The following CSNK1G1 variants were observed in gnomAD, a reference collection of about 807,000 sequenced individuals.
The protein encoded by CSNK1G1 is casein kinase I isoform gamma-1.
Under a neutral mutation model 59.6 loss-of-function variants are expected in CSNK1G1, and 22 were observed. The observed-to-expected ratio is 0.37, with a 90% CI of 0.26 to 0.53. CSNK1G1 has a LOEUF of 0.53. Among genes scored for constraint, CSNK1G1 ranks in the 20% least tolerant of loss-of-function variants. The probability of loss-of-function intolerance (pLI) is 0.89; values close to 1 mark genes in which losing one functional copy is unlikely to be tolerated. For synonymous variants in CSNK1G1, 179 were observed against 177.1 expected, an observed-to-expected ratio of 1.01 and a Z score of -0.08; for missense variants, 384 against 519.5, an observed-to-expected ratio of 0.74 and a Z score of 2.54.
At chr15:64,268,988 C>T (rs1189099669) in intron 2 of CSNK1G1, among the ~76,000 whole-genome samples, 1 of 139,018 alleles carries the variant, frequency 7.2e-6, no homozygotes, top group African/African-American at 2.5e-5. Context: ...AGGATATTCT[C>T]CTTACCATTT....
At chr15:64,282,448 T>G (rs1894193847) in intron 2 of CSNK1G1, among the ~76,000 whole-genome samples, 1 of 152,128 alleles carries the variant, frequency 6.6e-6, no homozygotes, top group Non-Finnish European at 1.5e-5. Context: ...TATCTTTTTG[T>G]AGAGACAGGG....
chr15:64,333,433 CAAAAAAAAAAAAA>C (rs59451869), intron 1 of CSNK1G1, among the ~76,000 whole-genome samples: 2 of 23,086 alleles, frequency 8.7e-5, no homozygotes, highest in African/African-American at 4.8e-4. Flanking sequence ...GACACCATCT[CAAAAAAAAAAAAA>C]AAAAAAAAAA....
At chr15:64,343,568 T>C (rs1897790081) in intron 1 of CSNK1G1, among the ~76,000 whole-genome samples, 1 of 152,080 alleles carries the variant, frequency 6.6e-6, no homozygotes, top group Admixed American at 6.6e-5. Flanking sequence ...ACTTTAACTT[T>C]AATCTCCTTC....
intron 1 of CSNK1G1, among the ~76,000 whole-genome samples, chr15:64,321,671 G>C (rs907804922): frequency 1.3e-5 from 2 of 152,198 alleles, no homozygotes; most frequent in Admixed American, 6.5e-5. Flanking sequence ...TATGAAGACA[G>C]CTGCTTCTGA....
chr15:64,174,420 C>A (rs1486638235), intron 11 of CSNK1G1, among the ~76,000 whole-genome samples: 4 of 152,326 alleles, frequency 2.6e-5, no homozygotes, highest in Non-Finnish European at 5.9e-5. Flanking sequence ...AGAAAGCAGG[C>A]CCCACAATCT....
intron 1 of CSNK1G1, among the ~76,000 whole-genome samples, chr15:64,350,684 T>A (rs1369171187): frequency 6.6e-6 from 1 of 152,188 alleles, no homozygotes; most frequent in Non-Finnish European, 1.5e-5. Context: ...TTATATAACC[T>A]AAATCTACTG....
chr15:64,297,593 G>C (rs115386760), intron 2 of CSNK1G1, among the ~76,000 whole-genome samples: 1 of 152,018 alleles, frequency 6.6e-6, no homozygotes, highest in Non-Finnish European at 1.5e-5. Flanking sequence ...AGCTATTAAG[G>C]AGGCTGAAGT....
chr15:64,265,315 T>C, intron 2 of CSNK1G1, among the ~76,000 whole-genome samples: 1 of 152,184 alleles, frequency 6.6e-6, no homozygotes, highest in East Asian at 1.9e-4. Context: ...TCATCTTGAA[T>C]CATAGCTCCC....
intron 4 of CSNK1G1, among the ~76,000 whole-genome samples, chr15:64,248,129 CAA>C (rs1891854151): frequency 6.6e-6 from 1 of 152,146 alleles, no homozygotes; most frequent in Non-Finnish European, 1.5e-5. Context: ...CCTTGGTAAT[CAA>C]AAGAGTGGCA....
At chr15:64,256,399 A>AT (rs1234349248) in intron 3 of CSNK1G1, among the ~76,000 whole-genome samples, 7 of 152,216 alleles carry the variant, frequency 4.6e-5, no homozygotes, top group Non-Finnish European at 8.8e-5. Context: ...AACTCCATAG[A>AT]GTTCAAGGGT....
chr15:64,227,879 C>T (rs1846097690), intron 4 of CSNK1G1, among the ~76,000 whole-genome samples: 1 of 152,168 alleles, frequency 6.6e-6, no homozygotes, highest in African/African-American at 2.4e-5. Context: ...CATTCTCTTA[C>T]TCTCAATGTT....
At chr15:64,229,640 G>C (rs1267339235) in intron 4 of CSNK1G1, among the ~76,000 whole-genome samples, 2 of 152,018 alleles carry the variant, frequency 1.3e-5, no homozygotes, top group Admixed American at 6.6e-5. Context: ...AGCTAATGCA[G>C]AGAAAGAAGA....
At chr15:64,304,456 T>C (rs1895556446) in intron 1 of CSNK1G1, among the ~76,000 whole-genome samples, 1 of 151,398 alleles carries the variant, frequency 6.6e-6, no homozygotes, top group African/African-American at 2.4e-5. Context: ...ATGTGGCATC[T>C]CTCACTTAAG....
At chr15:64,303,736 G>A (rs1385847435) in intron 1 of CSNK1G1, among the ~76,000 whole-genome samples, 1 of 145,614 alleles carries the variant, frequency 6.9e-6, no homozygotes, top group Non-Finnish European at 1.5e-5. Context: ...GGCGACAAGA[G>A]CAAAACCCCG....
rs199553600 is a variant in CSNK1G1 at position 64,198,390 on chromosome 15, GA to G, written c.1107+4691del. Among the ~76,000 whole-genome samples the G allele has an allele frequency of 8.2e-3, 1,245 of 151,722 alleles. 17 individuals carry two copies. The highest frequency in any genetic ancestry group is 0.028 in the African/African-American group (1,168 of 41,370). On this transcript the variant is annotated intron_variant, in intron 10 of 11. Coordinates refer to ENST00000303052, the MANE Select transcript of CSNK1G1 (RefSeq NM_022048.5). ...CCAGCTAATTTTTGTATTTTTAGTA[GA>G]GATGGGGTTTCACCATGTTGGCCAG...
Position 64,203,138 on chromosome 15 carries a change from G to A in CSNK1G1, c.1051C>T (p.Arg351Ter), listed in dbSNP as rs1456100053. The change falls in exon 10 of 12, where the codon CGA becomes TGA. Residue 351 changes from arginine (R) to a stop codon, truncating the protein, a stop_gained. Transcript: ENST00000303052. LOFTEE classifies it high-confidence loss of function. ...CGATCCCTATGTGTGTGGCTTTCTC[G>A]AGTTATTGCAGATGCACCAGAATCT... Reference protein sequence around the residue: ...HVDSGASAITRESHTHRDRPS... With the variant: ...HVDSGASAIT The A allele has an allele frequency of 1.2e-6, 2 of 1,614,080 alleles. No homozygotes were observed. Among genetic ancestry groups the A allele is most frequent in the Non-Finnish European group, 8.5e-7 (1 of 1,179,964 alleles).
intron 1 of CSNK1G1, among the ~76,000 whole-genome samples, chr15:64,354,784 T>C (rs1020085646): frequency 6.6e-6 from 1 of 152,204 alleles, no homozygotes; most frequent in Non-Finnish European, 1.5e-5. Flanking sequence ...ATACTACTTA[T>C]GAAGAAACAA....
chr15:64,258,410 A>G (rs1892511509), intron 3 of CSNK1G1, among the ~76,000 whole-genome samples: 1 of 151,842 alleles, frequency 6.6e-6, no homozygotes, highest in Non-Finnish European at 1.5e-5. Flanking sequence ...AGAAAGAAAG[A>G]AAAAGAAAAG....
In CSNK1G1 at chr15:64,171,189, AAGTC is replaced by A. The variant is rs1040473134; in HGVS notation, c.*738_*741del. On this transcript the variant is annotated 3_prime_UTR_variant, in exon 12 of 12. Coordinates refer to ENST00000303052, the MANE Select transcript of CSNK1G1 (RefSeq NM_022048.5). This position sits in a 1 kb window ranked among gnomAD's most constrained non-coding sequence, Gnocchi z 4.8. ...TTTTAAAAAAACTAAAAGTGCAACAAAGTCAGTTTTCTTTCCTTTGCTTAGAACA... is the reference window on the plus strand; with the variant it reads ...TTTTAAAAAAACTAAAAGTGCAACAAAGTTTTCTTTCCTTTGCTTAGAACA... 2 of 152,616 alleles carry A rather than the reference AAGTC, an allele frequency of 1.3e-5. No individual in the cohort carries two copies. Among genetic ancestry groups the A allele is most frequent in the Non-Finnish European group, 2.9e-5 (2 of 68,044 alleles). 9.5% of individuals were successfully genotyped at this position (152,616 alleles called of 1,614,324 possible).
Sources: gnomAD v4.1 joint callset for allele counts (sites outside exome capture counted in the v4.1 genomes callset) on GRCh38, gnomAD v4.1.1 for gene constraint, Gnocchi (gnomAD v3.1) non-coding constraint, MANE v1.5 for transcripts, NCBI Gene and HGNC (gene_info 2026-07-23, HGNC 2026-07-21) for gene names.